The following RAD51B variants were observed in gnomAD, a reference collection of about 807,000 sequenced individuals.
The protein encoded by RAD51B is RAD51 paralog B.
RAD51B carries 38 observed loss-of-function variants against 42.2 expected under a neutral mutation model. That is an observed-to-expected ratio of 0.90 (90% CI 0.70 to 1.18). RAD51B has a LOEUF of 1.18. Ranked by LOEUF, RAD51B falls within the 50% of genes most tolerant of loss-of-function variation. RAD51B has a pLI of 0.00. For missense variants in RAD51B, 373 were observed against 400.7 expected, an observed-to-expected ratio of 0.93 and a Z score of 0.59; for synonymous variants, 154 against 145.2, an observed-to-expected ratio of 1.06 and a Z score of -0.43.
At chr14:68,395,748 A>G (rs970654262) in intron 8 of RAD51B, among the ~76,000 whole-genome samples, 1 of 152,180 alleles carries the variant, frequency 6.6e-6, no homozygotes, top group African/African-American at 2.4e-5. Flanking sequence ...AGATGAAGCA[A>G]TCATCCTGAC....
At chr14:68,611,439 C>A in exon 11 of RAD51B, 1 of 588,964 alleles carries the variant, frequency 1.7e-6, no homozygotes, top group Non-Finnish European at 3.0e-6. Context: ...AACCCTTGAT[C>A]CCCACGTGAG....
At chr14:68,543,471 G>GA (rs1421384816) in intron 10 of RAD51B, among the ~76,000 whole-genome samples, 4 of 152,108 alleles carry the variant, frequency 2.6e-5, no homozygotes, top group Admixed American at 2.6e-4. Context: ...GTTGCTGGTG[G>GA]AAAAAAGTGG....
intron 10 of RAD51B, among the ~76,000 whole-genome samples, chr14:68,484,692 A>G (rs1167939476): frequency 6.6e-6 from 1 of 152,128 alleles, no homozygotes; most frequent in Non-Finnish European, 1.5e-5. Flanking sequence ...AGGAGTCTCA[A>G]TTATCTCCGG....
intron 10 of RAD51B, among the ~76,000 whole-genome samples, chr14:68,469,901 C>T (rs766434457): frequency 2.6e-5 from 4 of 152,112 alleles, no homozygotes; most frequent in Admixed American, 2.0e-4. Flanking sequence ...TTTCTAAGCC[C>T]GGTCAAATCT....
chr14:68,272,252 T>G (rs547393581), intron 7 of RAD51B, among the ~76,000 whole-genome samples: 1 of 152,196 alleles, frequency 6.6e-6, no homozygotes, highest in African/African-American at 2.4e-5. Flanking sequence ...GGCTTCCACT[T>G]CCTTCTGCAG....
In RAD51B at chr14:67,976,226, C is replaced by T. The variant is rs147438554; in HGVS notation, c.756+89022C>T. Among the ~76,000 whole-genome samples, 1,495 of 151,926 alleles carry T rather than the reference C, an allele frequency of 9.8e-3. 10 individuals carry two copies. Among genetic ancestry groups the T allele is most frequent in the African/African-American group, 0.019 (791 of 41,448 alleles). ...GGACCTCCTGGGCTCAAGCAATCTT[C>T]GTGCCTCAGCCTCCTGAGTAGCTGG... On this transcript the variant is annotated intron_variant, in intron 7 of 10. Coordinates refer to ENST00000471583, the MANE Select transcript of RAD51B (RefSeq NM_133510.4).
chr14:68,378,875 G>A (rs1248562031), intron 8 of RAD51B, among the ~76,000 whole-genome samples: 1 of 152,030 alleles, frequency 6.6e-6, no homozygotes, highest in Non-Finnish European at 1.5e-5. Flanking sequence ...GATTTTCACT[G>A]CAGTCTTGTC....
intron 5 of RAD51B, chr14:67,885,614 C>T (rs34669269): frequency 0.018 from 4,475 of 251,504 alleles, 195 homozygotes; most frequent in African/African-American, 0.092. Flanking sequence ...AAAGATAAAT[C>T]TCAAGAGACA....
intron 8 of RAD51B, among the ~76,000 whole-genome samples, chr14:68,350,005 G>A (rs767636162): frequency 4.6e-5 from 7 of 152,078 alleles, no homozygotes; most frequent in Non-Finnish European, 7.4e-5. Context: ...GGAGGAAATC[G>A]GTGTCTTTGA....
intron 7 of RAD51B, among the ~76,000 whole-genome samples, chr14:67,913,985 C>A (rs905108688): frequency 2.7e-5 from 4 of 146,120 alleles, no homozygotes; most frequent in African/African-American, 1.0e-4. Context: ...TCCATGAGTT[C>A]AATTTTTTTT....
chr14:68,052,251 T>A (rs2076404843), intron 7 of RAD51B, among the ~76,000 whole-genome samples: 1 of 152,216 alleles, frequency 6.6e-6, no homozygotes, highest in Admixed American at 6.5e-5. Flanking sequence ...AGTAACACCA[T>A]CAAAGTGTAT....
intron 7 of RAD51B, among the ~76,000 whole-genome samples, chr14:68,053,124 C>T (rs866391401): frequency 1.2e-4 from 19 of 152,272 alleles, no homozygotes; most frequent in Middle Eastern, 6.8e-3. Context: ...GATGTTTAAT[C>T]GAGCTGTGGG....
intron 7 of RAD51B, among the ~76,000 whole-genome samples, chr14:68,032,194 G>A (rs2076057499): frequency 1.3e-5 from 2 of 152,172 alleles, no homozygotes; most frequent in Non-Finnish European, 2.9e-5. Flanking sequence ...GCTAAGCATA[G>A]CAGGTACACA....
intron 10 of RAD51B, among the ~76,000 whole-genome samples, chr14:68,546,526 CA>C (rs1888245007): frequency 6.6e-6 from 1 of 152,236 alleles, no homozygotes; most frequent in East Asian, 1.9e-4. Flanking sequence ...TAGAGATGTC[CA>C]GTAGACAGTT....
In RAD51B at chr14:68,466,631, G is replaced by C. The variant is rs35474337; in HGVS notation, c.958-1541G>C. Among the ~76,000 whole-genome samples the C allele has an allele frequency of 6.1e-3, 928 of 152,326 alleles. 8 individuals are homozygous for C. The highest frequency in any genetic ancestry group is 0.02 in the African/African-American group (851 of 41,574). Reference sequence around the variant, plus strand: ...ACCCATTTGCTTGGATCTGGTTCCTGCCTTGGGAAGAGCGAAAGAGAAAGT... The same window carrying C: ...ACCCATTTGCTTGGATCTGGTTCCTCCCTTGGGAAGAGCGAAAGAGAAAGT... On this transcript the variant is annotated intron_variant, in intron 9 of 10. Coordinates refer to ENST00000471583, the MANE Select transcript of RAD51B (RefSeq NM_133510.4).
intron 9 of RAD51B, among the ~76,000 whole-genome samples, chr14:68,462,382 A>C (rs2085867082): frequency 6.6e-6 from 1 of 152,228 alleles, no homozygotes; most frequent in Non-Finnish European, 1.5e-5. Flanking sequence ...CACCTACAAC[A>C]GTGCCAAGCA....
At chr14:67,895,922 T>C (rs1401337672) in intron 7 of RAD51B, among the ~76,000 whole-genome samples, 2 of 152,208 alleles carry the variant, frequency 1.3e-5, no homozygotes, top group Admixed American at 6.5e-5. Flanking sequence ...TCCTCTGAGA[T>C]TTTTGTATCA....
At chr14:68,671,951 C>T (rs1265277723) in intron 11 of RAD51B, among the ~76,000 whole-genome samples, 2 of 152,174 alleles carry the variant, frequency 1.3e-5, no homozygotes, top group Non-Finnish European at 2.9e-5. Flanking sequence ...CCTTTCCAGA[C>T]AGTCCCTTGA....
intron 8 of RAD51B, among the ~76,000 whole-genome samples, chr14:68,360,153 T>C (rs1257663819): frequency 6.6e-6 from 1 of 152,230 alleles, no homozygotes; most frequent in Non-Finnish European, 1.5e-5. Context: ...TAGCCACTCT[T>C]CCGGGCCTTC....
Sources: gnomAD v4.1 joint callset for allele counts (sites outside exome capture counted in the v4.1 genomes callset) on GRCh38, gnomAD v4.1.1 for gene constraint, MANE v1.5 for transcripts, NCBI Gene and HGNC (gene_info 2026-07-23, HGNC 2026-07-21) for gene names.